PRDM14: variants seen among roughly 807,000 people sequenced by gnomAD.
PRDM14 encodes PR domain zinc finger protein 14.
A neutral mutation model predicts 48.0 loss-of-function variants in PRDM14; 16 were observed. The ratio of observed to expected loss-of-function variants is 0.33; its 90% CI spans 0.23 to 0.51. The LOEUF (loss-of-function observed/expected upper bound fraction) is 0.51. Ranked by LOEUF, PRDM14 falls within the 20% of genes least tolerant of loss-of-function variation. The probability of loss-of-function intolerance (pLI) is 0.97; values close to 1 mark genes in which losing one functional copy is unlikely to be tolerated. For missense variants in PRDM14, 566 were observed against 719.6 expected (o/e 0.79, Z 2.44); for synonymous variants, 264 against 276.6 (o/e 0.95, Z 0.45).
At chr8:70,066,688 A>C (rs1805675343) in intron 4 of PRDM14, among the ~76,000 whole-genome samples, 183 bp from the exon 5 acceptor site, 1 of 152,142 alleles carries the variant, frequency 6.6e-6, no homozygotes, top group African/African-American at 2.4e-5. Context: ...TAGATTTGTT[A>C]GTTTAAGGAC....
At chr8:70,064,625 C>T (rs1191106414) in intron 5 of PRDM14, among the ~76,000 whole-genome samples, 3 of 150,456 alleles carry the variant, frequency 2.0e-5, no homozygotes, top group African/African-American at 7.3e-5. Flanking sequence ...GCTGGGTTCA[C>T]GCCATTCTCC....
intron 5 of PRDM14, among the ~76,000 whole-genome samples, chr8:70,064,886 C>T (rs543064305): frequency 9.5e-4 from 142 of 149,832 alleles, no homozygotes; most frequent in Non-Finnish European, 1.6e-3. Flanking sequence ...CCTTCTCTCT[C>T]TCTCTTTTTT....
At position 70,066,489 on chromosome 8, in the gene PRDM14, T is replaced by A. The variant is rs750694727; in HGVS notation, c.929A>T (p.His310Leu). The A allele has an allele frequency of 5.0e-6, 8 of 1,613,598 alleles. 1 individual carries two copies. In the Admixed American group the frequency reaches 1.2e-4, roughly 24 times the overall value. ...TTTTCCATCTATAAAGTGGCTCAAA[T>A]GACCATCTTCAAAGATCTAAATGAA... is the stretch of plus-strand genomic sequence containing the variant. ...SVMWEIFEDGHLSHFIDGKGG... is the reference protein window; with the variant it reads ...SVMWEIFEDGLLSHFIDGKGG... Residue 310 changes from histidine (H) to leucine (L), a missense_variant, in exon 5 of 8, where the codon CAT (histidine) becomes CTT (leucine). Around this residue, in one of 3 missense-constraint regions of PRDM14, gnomAD observed 410 missense variants for 424.6 expected, o/e 0.97. Coordinates refer to ENST00000276594, the MANE Select transcript of PRDM14 (RefSeq NM_024504.4).
chr8:70,065,094 G>A (rs1805645116), intron 5 of PRDM14, among the ~76,000 whole-genome samples: 1 of 151,884 alleles, frequency 6.6e-6, no homozygotes, highest in Admixed American at 6.6e-5. Flanking sequence ...CACCACGTTA[G>A]CCAGGATGGT....
At chr8:70,066,122 G>C (rs1255617279) in intron 5 of PRDM14, 113 bp downstream of exon 5, 3 of 1,181,432 alleles carry the variant, frequency 2.5e-6, no homozygotes, top group East Asian at 2.3e-5. Context: ...CTCTCGGTTA[G>C]TCCTCTGCAT....
At chr8:70,066,194 C>T in intron 5 of PRDM14, 41 bp downstream of exon 5, 1 of 1,594,656 alleles carries the variant, frequency 6.3e-7, no homozygotes, top group East Asian at 2.2e-5. Context: ...AGTCCTTCTA[C>T]TGGGATGCCC....
intron 7 of PRDM14, among the ~76,000 whole-genome samples, chr8:70,053,697 G>A (rs1805425677): frequency 6.6e-6 from 1 of 152,062 alleles, no homozygotes; most frequent in African/African-American, 2.4e-5. Context: ...GCTCAGTGGT[G>A]TTTTTCTATG....
At chr8:70,057,186 T>C (rs1288602691) in intron 6 of PRDM14, among the ~76,000 whole-genome samples, 3 of 151,928 alleles carry the variant, frequency 2.0e-5, no homozygotes, top group African/African-American at 7.2e-5. Flanking sequence ...ACGATGGTCT[T>C]GATCTCCTGA....
intron 6 of PRDM14, among the ~76,000 whole-genome samples, chr8:70,058,240 C>A (rs763910230): frequency 6.6e-6 from 1 of 152,190 alleles, no homozygotes; most frequent in Non-Finnish European, 1.5e-5. Context: ...AGGCGCAGTT[C>A]CCCAGGAGCA....
At chr8:70,061,124 G>A (rs1428483010) in intron 5 of PRDM14, among the ~76,000 whole-genome samples, 1 of 152,128 alleles carries the variant, frequency 6.6e-6, no homozygotes, top group Non-Finnish European at 1.5e-5. Flanking sequence ...AGTTAGAGAG[G>A]GTGCAGCTAG....
chr8:70,069,710 G>A lies in PRDM14; in HGVS notation c.151C>T (p.Gln51Ter). The change falls in exon 2 of 8, where the codon CAA becomes TAA. Residue 51 changes from glutamine to a stop codon, truncating the protein, a stop_gained. Transcript: ENST00000276594. LOFTEE classifies it high-confidence loss of function. ...NSLATVEEDF[Q>*]PFRQLEAAAS... ...GCGGCCTCCAGCTGCCGGAAAGGTTGGAAGTCTTCCTCCACGGTGGCCAGG... is the reference window on the plus strand; with the variant it reads ...GCGGCCTCCAGCTGCCGGAAAGGTTAGAAGTCTTCCTCCACGGTGGCCAGG... The A allele has an allele frequency of 6.4e-7, 1 of 1,572,242 alleles. No individual in the cohort carries two copies. The highest frequency in any genetic ancestry group is 8.6e-7 in the Non-Finnish European group (1 of 1,158,552).
chr8:70,065,361 A>G (rs923015224), intron 5 of PRDM14, among the ~76,000 whole-genome samples: 2 of 152,170 alleles, frequency 1.3e-5, no homozygotes, highest in African/African-American at 4.8e-5. Flanking sequence ...CTAGATTAGT[A>G]GTTCCTAAAC....
In PRDM14 at chr8:70,069,179, C is replaced by G; in HGVS notation, c.682G>C (p.Val228Leu). 3.3e-6 allele frequency: 5 copies of G among 1,517,142 alleles called. No individual in the cohort carries two copies. Among genetic ancestry groups the G allele is most frequent in the Non-Finnish European group, 4.4e-6 (5 of 1,132,850 alleles). 94.0% of individuals were successfully genotyped at this position (1,517,142 alleles called of 1,614,324 possible). A position where few individuals can be genotyped will look rare whatever the true frequency, so the allele number is the denominator to read the frequency against. ...CCTTTACCAGAGCTGTCTGGGGGGA[C>G]CAGGAGGCCTGAAATCGCATGGTGC... is the stretch of plus-strand genomic sequence containing the variant. ...SLHHAISGLL[V>L]PPDSSGSDSL... The change falls in exon 2 of 8, where the codon GTC becomes CTC. Residue 228 changes from valine to leucine, a missense_variant. Val to Leu is a conservative substitution (Grantham distance 32). Coordinates refer to ENST00000276594, the MANE Select transcript of PRDM14 (RefSeq NM_024504.4).
chr8:70,064,880 C>A (rs910290745), intron 5 of PRDM14, among the ~76,000 whole-genome samples: 1 of 149,388 alleles, frequency 6.7e-6, no homozygotes, highest in African/African-American at 2.5e-5. Flanking sequence ...AATTTGCCTT[C>A]TCTCTCTCTC....
At position 70,069,270 on chromosome 8, in the gene PRDM14, G is replaced by A; in HGVS notation, c.591C>T (p.Phe197=). ...GAACGAAGTGCAGGTCCTCCTCCGT[G>A]AACTGGAACCGAGCAGGGGACTTCC... ...QEGKSPARFQ[F]TEEDLHFVLY... is the part of the protein sequence containing the mutation. The change falls in exon 2 of 8, where the codon TTC becomes TTT. Residue 197 remains phenylalanine, a synonymous_variant. Transcript: ENST00000276594. The A allele has an allele frequency of 1.2e-6, 2 of 1,610,738 alleles. No individual in the cohort carries two copies. Among genetic ancestry groups the A allele is most frequent in the African/African-American group, 1.3e-5 (1 of 75,014 alleles).
In PRDM14 at chr8:70,069,380, G is replaced by A. The variant is rs1805725750; in HGVS notation, c.481C>T (p.Pro161Ser). 2 of 1,611,628 alleles carry A rather than the reference G, an allele frequency of 1.2e-6. No homozygotes were observed. Among genetic ancestry groups the A allele is most frequent in the South Asian group, 2.2e-5 (2 of 90,668 alleles). The change falls in exon 2 of 8, where the codon CCT becomes TCT. Residue 161 changes from proline to serine, a missense_variant. Physicochemically the swap from Pro to Ser is moderately conservative, Grantham distance 74. Coordinates refer to ENST00000276594, the MANE Select transcript of PRDM14 (RefSeq NM_024504.4). ...AACTGGGAGGTCCTCAGCCCCTCAG[G>A]TAACAGAGAAGCATCCGCAGGGGGC... Reference protein sequence around the residue: ...PPPPADASLLPEGLRTSQLLP... With the variant: ...PPPPADASLLSEGLRTSQLLP...
intron 7 of PRDM14, among the ~76,000 whole-genome samples, chr8:70,054,068 C>T (rs926451299): frequency 2.0e-5 from 3 of 152,128 alleles, no homozygotes; most frequent in African/African-American, 7.2e-5. Context: ...TATGATTAAC[C>T]GCGAACTGCA....
intron 5 of PRDM14, among the ~76,000 whole-genome samples, chr8:70,061,646 A>AGG: frequency 6.6e-6 from 1 of 152,236 alleles, no homozygotes; most frequent in African/African-American, 2.4e-5. Flanking sequence ...AAGGGAAGAG[A>AGG]GGGTCAGCAA....
At chr8:70,054,060 T>C (rs539643559) in intron 7 of PRDM14, among the ~76,000 whole-genome samples, 1 of 152,374 alleles carries the variant, frequency 6.6e-6, no homozygotes, top group East Asian at 1.9e-4. Context: ...TAGCCACATA[T>C]GATTAACCGC....
Sources: gnomAD v4.1 joint callset for allele counts (sites outside exome capture counted in the v4.1 genomes callset) on GRCh38, gnomAD v4.1.1 for gene constraint, gnomAD v4.1.1 regional missense constraint, MANE v1.5 for transcripts, NCBI Gene and HGNC (gene_info 2026-07-23, HGNC 2026-07-21) for gene names.